Variants in MEGF10 observed in about 807,000 individuals in gnomAD.
MEGF10 encodes the protein multiple EGF like domains 10, also known as multiple epidermal growth factor-like domains protein 10.
MEGF10 carries 86 observed loss-of-function variants against 147.5 expected under a neutral mutation model. The observed-to-expected ratio is 0.58, with a 90% CI of 0.49 to 0.70. The LOEUF is 0.70. Ranked by LOEUF, MEGF10 falls within the 30% of genes least tolerant of loss-of-function variation. The pLI, the probability that MEGF10 is intolerant of heterozygous loss-of-function variation, is 0.00. For synonymous variants in MEGF10, 478 were observed against 525.5 expected (o/e 0.91, Z 1.24); for missense variants, 1,329 against 1,487.3 (o/e 0.89, Z 1.75).
chr5:127,447,344 T>A (rs917702790), intron 20 of MEGF10, among the ~76,000 whole-genome samples: 8 of 151,928 alleles, frequency 5.3e-5, no homozygotes. Context: ...CCCGGCTAAT[T>A]TTTTTTGTAC....
chr5:127,322,948 G>GTA (rs1760846588), intron 1 of MEGF10, among the ~76,000 whole-genome samples: 1 of 151,978 alleles, frequency 6.6e-6, no homozygotes, highest in South Asian at 2.1e-4. Flanking sequence ...TTTACACAAT[G>GTA]TGTGTATACA....
chr5:127,343,842 C>T (rs781125481), intron 4 of MEGF10, among the ~76,000 whole-genome samples: 3 of 151,920 alleles, frequency 2.0e-5, no homozygotes, highest in Non-Finnish European at 4.4e-5. Context: ...GAGTGGGCTG[C>T]CAGTTCAAAG....
At chr5:127,299,796 C>A (rs1029395319) in intron 1 of MEGF10, among the ~76,000 whole-genome samples, 1 of 150,384 alleles carries the variant, frequency 6.6e-6, no homozygotes, top group Admixed American at 6.7e-5. Flanking sequence ...TGAGGCAGAA[C>A]AGGGAAAGCC....
chr5:127,297,817 T>C (rs954710628), intron 1 of MEGF10, among the ~76,000 whole-genome samples: 1 of 152,156 alleles, frequency 6.6e-6, no homozygotes, highest in African/African-American at 2.4e-5. Context: ...CCTATTGAGA[T>C]TCAAGTAAAA....
intron 9 of MEGF10, among the ~76,000 whole-genome samples, chr5:127,415,740 C>T (rs1262365989): frequency 1.3e-5 from 2 of 151,584 alleles, no homozygotes; most frequent in Non-Finnish European, 2.9e-5. Context: ...TCCATCTCTA[C>T]TAAAAATACA....
the MEGF10 span, among the ~76,000 whole-genome samples, chr5:127,265,311 G>C: frequency 6.6e-6 from 1 of 152,048 alleles, no homozygotes; most frequent in African/African-American, 2.4e-5. Flanking sequence ...TCTTAATCCA[G>C]TCTATCATTG....
intron 13 of MEGF10, among the ~76,000 whole-genome samples, chr5:127,428,825 T>A (rs1765294958): frequency 6.6e-6 from 1 of 152,222 alleles, no homozygotes; most frequent in South Asian, 2.1e-4. Flanking sequence ...CCAGATGATT[T>A]ATTTACTGCA....
chr5:127,398,071 G>C (rs1333244084), intron 6 of MEGF10, among the ~76,000 whole-genome samples: 1 of 151,654 alleles, frequency 6.6e-6, no homozygotes, highest in Admixed American at 6.6e-5. Flanking sequence ...GTCTGGGGGT[G>C]GGGGGAAAGG....
intron 1 of MEGF10, among the ~76,000 whole-genome samples, chr5:127,296,953 GT>G (rs1048322377): frequency 6.6e-6 from 1 of 151,796 alleles, no homozygotes; most frequent in Non-Finnish European, 1.5e-5. Flanking sequence ...TGTTCCACCA[GT>G]TTTTTTTGTT....
the MEGF10 span, among the ~76,000 whole-genome samples, chr5:127,254,271 A>G: frequency 1.3e-5 from 2 of 152,176 alleles, no homozygotes; most frequent in Admixed American, 6.5e-5. Flanking sequence ...AATACACCCT[A>G]CACAAATGCA....
Position 127,403,503 on chromosome 5 carries a change from AC to A in MEGF10, c.917+824del, listed in dbSNP as rs1764207704. ...AATGAAGTTACTATTGACCATAGTCACCCTATATGCTATCAAATAGTAGGTC... is the reference window on the plus strand; with the variant it reads ...AATGAAGTTACTATTGACCATAGTCACCTATATGCTATCAAATAGTAGGTC... On this transcript the variant is annotated intron_variant, in intron 8 of 24. Coordinates refer to ENST00000503335, the MANE Select transcript of MEGF10 (RefSeq NM_001256545.2). 5.9e-5 allele frequency among the ~76,000 whole-genome samples: 9 copies of A among 152,182 alleles called. No individual in the cohort carries two copies. The South Asian group carries it at 1.7e-3, about 28-fold the overall frequency.
chr5:127,448,598 T>C (rs1196749006), intron 21 of MEGF10, among the ~76,000 whole-genome samples: 2 of 152,194 alleles, frequency 1.3e-5, no homozygotes, highest in Admixed American at 6.5e-5. Context: ...TTAATTATAG[T>C]GCTTCATGGT....
Position 127,353,694 on chromosome 5 carries a change from G to A in MEGF10, c.319+13064G>A, listed in dbSNP as rs191656098. Among the ~76,000 whole-genome samples, 72 of 152,354 alleles carry A rather than the reference G, an allele frequency of 4.7e-4. 1 individual carries two copies. Among genetic ancestry groups the A allele is most frequent in the Middle Eastern group, 6.8e-3 (2 of 294 alleles). ...TTCTCCTGCTGGATACTGCTGTAAA[G>A]GAAGGGACTGTTCTGATGATTATTT... On this transcript the variant is annotated intron_variant, in intron 4 of 24. Transcript: ENST00000503335.
At chr5:127,384,644 A>G (rs977702062) in intron 5 of MEGF10, among the ~76,000 whole-genome samples, 15 of 152,252 alleles carry the variant, frequency 9.9e-5, no homozygotes, top group African/African-American at 3.6e-4. Flanking sequence ...CAAACATTTT[A>G]AAAGAAGAAT....
intron 5 of MEGF10, among the ~76,000 whole-genome samples, chr5:127,385,615 A>C (rs1763399257): frequency 6.6e-6 from 1 of 152,162 alleles, no homozygotes; most frequent in Admixed American, 6.5e-5. Flanking sequence ...TAGTTATTGC[A>C]AACAGTAACA....
intron 8 of MEGF10, among the ~76,000 whole-genome samples, chr5:127,408,413 G>A (rs1210928281): frequency 6.6e-6 from 1 of 152,170 alleles, no homozygotes; most frequent in Non-Finnish European, 1.5e-5. Context: ...TTCAGTAGGA[G>A]CCATAATGAG....
At chr5:127,331,939 A>G (rs764391758) in intron 2 of MEGF10, among the ~76,000 whole-genome samples, 35 of 152,026 alleles carry the variant, frequency 2.3e-4, no homozygotes, top group South Asian at 4.2e-4. Flanking sequence ...ACTGAATAAG[A>G]TGAGTGGGTT....
intron 4 of MEGF10, among the ~76,000 whole-genome samples, chr5:127,347,401 T>C (rs1408358179): frequency 6.6e-6 from 1 of 152,056 alleles, no homozygotes; most frequent in African/African-American, 2.4e-5. Context: ...TTAACACATA[T>C]CAGTTTTTAT....
Position 127,322,579 on chromosome 5 carries a change from T to C in MEGF10, c.-18-8712T>C, listed in dbSNP as rs17165057. ...TGCCCAGTCATTACCATCTACGTGG[T>C]ACTACTCTCACATTAGATTGTTAAT... On this transcript the variant is annotated intron_variant, in intron 1 of 24. Coordinates refer to ENST00000503335, the MANE Select transcript of MEGF10 (RefSeq NM_001256545.2). Among the ~76,000 whole-genome samples the C allele has an allele frequency of 8.2e-3, 1,249 of 152,324 alleles. 18 individuals are homozygous for C. The highest frequency in any genetic ancestry group is 0.029 in the African/African-American group (1,202 of 41,574).
Sources: allele counts gnomAD v4.1 joint callset (sites outside exome capture counted in the v4.1 genomes callset), GRCh38; gene constraint gnomAD v4.1.1; transcripts MANE v1.5; gene names NCBI Gene and HGNC (gene_info 2026-07-23, HGNC 2026-07-21).